FOCAD: variants seen among roughly 807,000 people sequenced by gnomAD.
The protein encoded by FOCAD is KIAA1797.
In FOCAD, 198 loss-of-function variants were observed where a neutral mutation model predicts 225.6. That is an observed-to-expected ratio of 0.88 (90% CI 0.78 to 0.99). The LOEUF (loss-of-function observed/expected upper bound fraction) is 0.99. FOCAD is among the 50% of genes least tolerant of loss of function. FOCAD has a pLI of 0.00. For missense variants in FOCAD, 2,713 were observed against 2,123.6 expected, an observed-to-expected ratio of 1.28 and a Z score of -5.46; for synonymous variants, 897 against 755.0, an observed-to-expected ratio of 1.19 and a Z score of -3.08.
intron 2 of FOCAD, among the ~76,000 whole-genome samples, chr9:20,675,671 A>G (rs2131288535): frequency 6.6e-6 from 1 of 152,340 alleles, no homozygotes. Context: ...TTTACTGATG[A>G]TGAGTTAATT....
chr9:20,797,925 G>A (rs1038998334), intron 11 of FOCAD, among the ~76,000 whole-genome samples: 43 of 152,174 alleles, frequency 2.8e-4, no homozygotes, highest in African/African-American at 8.2e-4. Flanking sequence ...GTCTTGTGCC[G>A]GTTTTCAAAG....
At chr9:20,672,767 T>A (rs901429601) in intron 2 of FOCAD, among the ~76,000 whole-genome samples, 4 of 152,212 alleles carry the variant, frequency 2.6e-5, no homozygotes, top group African/African-American at 7.2e-5. Flanking sequence ...AAATTATTTT[T>A]AAAAATAACC....
intron 1 of FOCAD, among the ~76,000 whole-genome samples, chr9:20,686,031 A>G (rs1420770318): frequency 2.0e-5 from 3 of 152,230 alleles, no homozygotes; most frequent in Admixed American, 2.0e-4. Flanking sequence ...TCTGAGACAT[A>G]ATATTCTTAG....
At chr9:20,971,872 C>T (rs903166818) in intron 35 of FOCAD, among the ~76,000 whole-genome samples, 1 of 151,968 alleles carries the variant, frequency 6.6e-6, no homozygotes, top group Non-Finnish European at 1.5e-5. Context: ...GTGTGAATGG[C>T]TAATTTAATG....
At chr9:20,763,773 G>A (rs1382586841) in intron 6 of FOCAD, among the ~76,000 whole-genome samples, 1 of 152,140 alleles carries the variant, frequency 6.6e-6, no homozygotes, top group African/African-American at 2.4e-5. Context: ...GCCAAATGAT[G>A]GAGGGTGTGT....
At chr9:20,972,299 T>C (rs796475081) in intron 35 of FOCAD, among the ~76,000 whole-genome samples, 7 of 152,308 alleles carry the variant, frequency 4.6e-5, no homozygotes, top group African/African-American at 1.7e-4. Flanking sequence ...TCTGGTGTTT[T>C]TGTTGCTATT....
intron 18 of FOCAD, among the ~76,000 whole-genome samples, chr9:20,873,062 C>T (rs1463064062): frequency 6.6e-6 from 1 of 151,994 alleles, no homozygotes; most frequent in African/African-American, 2.4e-5. Flanking sequence ...TTATATATTC[C>T]ATCAATTGAT....
chr9:20,781,657 A>T, intron 9 of FOCAD, 70 bp from the exon 10 acceptor site: 2 of 1,418,038 alleles, frequency 1.4e-6, no homozygotes, highest in Non-Finnish European at 2.0e-6. Context: ...TATCATTCTT[A>T]AGCAAAATTG....
intron 26 of FOCAD, 23 bp downstream of exon 26, chr9:20,926,440 G>T (rs766849547): frequency 1.4e-6 from 2 of 1,435,398 alleles, no homozygotes; most frequent in Non-Finnish European, 2.0e-6. Flanking sequence ...AATAAAAAAT[G>T]ATCAGAAAAC....
intron 5 of FOCAD, among the ~76,000 whole-genome samples, chr9:20,743,282 G>C (rs1827775490): frequency 6.6e-6 from 1 of 152,180 alleles, no homozygotes; most frequent in South Asian, 2.1e-4. Context: ...TAAAATAGAA[G>C]GAGTATGGCA....
At chr9:20,993,577 G>A (rs1030730650) in intron 43 of FOCAD, among the ~76,000 whole-genome samples, 4 of 152,130 alleles carry the variant, frequency 2.6e-5, no homozygotes, top group African/African-American at 9.7e-5. Flanking sequence ...TACATACATG[G>A]CCGGAAGGTA....
At chr9:20,872,739 T>G (rs1829901972) in intron 18 of FOCAD, 1 of 152,144 alleles carries the variant, frequency 6.6e-6, no homozygotes, top group Non-Finnish European at 1.5e-5. Context: ...ATTGTGCAAC[T>G]AATCACAGAG....
intron 10 of FOCAD, among the ~76,000 whole-genome samples, chr9:20,785,513 C>T (rs1294133887): frequency 6.6e-6 from 1 of 151,978 alleles, no homozygotes; most frequent in African/African-American, 2.4e-5. Flanking sequence ...ATATGTGGTC[C>T]TTTGTGACTG....
chr9:20,925,715 G>GT (rs528508475), intron 25 of FOCAD, among the ~76,000 whole-genome samples: 30 of 151,884 alleles, frequency 2.0e-4, no homozygotes, highest in African/African-American at 5.8e-4. Context: ...AATGAGTGGG[G>GT]TTTTTTTTGT....
chr9:20,918,857 G>A (rs1486616428), intron 24 of FOCAD, among the ~76,000 whole-genome samples: 1 of 152,188 alleles, frequency 6.6e-6, no homozygotes, highest in African/African-American at 2.4e-5. Context: ...TGATAGAGCA[G>A]GGGAAAAAAT....
At chr9:20,772,589 A>G (rs1818346538) in intron 8 of FOCAD, among the ~76,000 whole-genome samples, 1 of 152,206 alleles carries the variant, frequency 6.6e-6, no homozygotes, top group Non-Finnish European at 1.5e-5. Flanking sequence ...ATGATGTAAA[A>G]GTAAGGGATG....
intron 30 of FOCAD, among the ~76,000 whole-genome samples, chr9:20,947,044 G>T (rs1304842977): frequency 6.6e-6 from 1 of 152,014 alleles, no homozygotes; most frequent in Admixed American, 6.6e-5. Context: ...TTCTTTGAGA[G>T]AGTATTGATA....
At chr9:20,904,938 A>G (rs1025139090) in intron 21 of FOCAD, among the ~76,000 whole-genome samples, 12 of 152,088 alleles carry the variant, frequency 7.9e-5, no homozygotes, top group African/African-American at 2.4e-4. Flanking sequence ...CTGACTATAC[A>G]GTATATTAAA....
intron 15 of FOCAD, among the ~76,000 whole-genome samples, chr9:20,858,853 A>T (rs1828482606): frequency 6.7e-6 from 1 of 148,984 alleles, no homozygotes; most frequent in Admixed American, 6.7e-5. Flanking sequence ...CTGGTCTTTC[A>T]GGAGCATGTT....
Sources: allele counts gnomAD v4.1 joint callset (sites outside exome capture counted in the v4.1 genomes callset), GRCh38; gene constraint gnomAD v4.1.1; transcripts MANE v1.5; gene names NCBI Gene and HGNC (gene_info 2026-07-23, HGNC 2026-07-21).